ZNF846: variants seen among roughly 807,000 people sequenced by gnomAD.
The protein encoded by ZNF846 is zinc finger protein 420 pseudogene.
A neutral mutation model predicts 16.0 loss-of-function variants in ZNF846; 15 were observed. The observed-to-expected ratio is 0.94, with a 90% confidence interval of 0.63 to 1.45. The LOEUF (loss-of-function observed/expected upper bound fraction) is 1.45. Ranked by LOEUF, ZNF846 falls within the 40% of genes most tolerant of loss-of-function variation. The pLI, the probability that ZNF846 is intolerant of heterozygous loss-of-function variation, is 0.00. For missense variants in ZNF846, 714 were observed against 622.3 expected, an observed-to-expected ratio of 1.15 and a Z score of -1.57; for synonymous variants, 229 against 212.0, an observed-to-expected ratio of 1.08 and a Z score of -0.70.
chr19:9,774,497 A>T, intron 1 of ZNF846: 4 of 1,028,122 alleles, frequency 3.9e-6, no homozygotes, highest in Non-Finnish European at 6.1e-6. Flanking sequence ...CAAATCCAAG[A>T]TGGCGGCCAG....
exon 6 of ZNF846, chr19:9,757,498 T>C (rs1404411355): frequency 2.5e-6 from 4 of 1,597,744 alleles, no homozygotes; most frequent in Non-Finnish European, 3.4e-6. Context: ...CATGCCTTAG[T>C]TCTTAGATGT....
chr19:9,775,957 T>C (rs1016227895), intron 1 of ZNF846, among the ~76,000 whole-genome samples: 4 of 152,214 alleles, frequency 2.6e-5, no homozygotes, highest in Non-Finnish European at 4.4e-5. Flanking sequence ...TCTATAATCA[T>C]AACCTAGGAA....
At chr19:9,754,169 G>C (rs1287973756), downstream of ZNF846, among the ~76,000 whole-genome samples, 1 of 151,114 alleles carries the variant, frequency 6.6e-6, no homozygotes, top group Non-Finnish European at 1.5e-5. Context: ...AGTTTACTTT[G>C]TCTGATATTA....
chr19:9,765,542 G>T (rs372367335), intron 1 of ZNF846, among the ~76,000 whole-genome samples: 5 of 152,012 alleles, frequency 3.3e-5, no homozygotes, highest in Non-Finnish European at 7.4e-5. Flanking sequence ...GCATGGCGGC[G>T]TGTGCCTGTA....
intron 1 of ZNF846, among the ~76,000 whole-genome samples, chr19:9,765,323 C>G (rs1038811962): frequency 6.6e-6 from 1 of 151,834 alleles, no homozygotes; most frequent in African/African-American, 2.4e-5. Context: ...TGCGGTGAGC[C>G]GACACCATGC....
chr19:9,754,719 ACT>A (rs2145171173), downstream of ZNF846, among the ~76,000 whole-genome samples: 1 of 150,606 alleles, frequency 6.6e-6, no homozygotes, highest in South Asian at 2.1e-4. Context: ...CCACTTTGTT[ACT>A]CTTTTTCTGT....
chr19:9,761,932 T>C (rs543422340), intron 4 of ZNF846, 150 bp downstream of exon 4: 12 of 563,080 alleles, frequency 2.1e-5, no homozygotes, highest in African/African-American at 3.8e-5. Context: ...ATGAGGGGAG[T>C]TGAAAGTATC....
Position 9,765,055 on chromosome 19 carries a change from C to A in ZNF846, c.-85-20G>T. 8.0e-7 allele frequency: 1 copy of A among 1,256,750 alleles called. No individual in the cohort carries two copies. 77.8% of individuals were successfully genotyped at this position (1,256,750 alleles called of 1,614,324 possible). ...AATGACCTTTGGAAAAGAATAATGG[C>A]ATGTCAGTTGGATACATCAAAGAAA... is the stretch of plus-strand genomic sequence containing the variant. On this transcript the variant is annotated intron_variant, in intron 1 of 5. Transcript: ENST00000397902.
In ZNF846 at chr19:9,775,534, G is replaced by A. The variant is rs534562244; in HGVS notation, c.-86+10404C>T. 1.5e-4 allele frequency among the ~76,000 whole-genome samples: 23 copies of A among 152,294 alleles called. No individual in the cohort carries two copies. In the South Asian group the frequency reaches 4.3e-3, roughly 29 times the overall value. ...AAAAATGCAGTTTGCAATGAAAGGT[G>A]CTAAGATTAAGTGGTTAGCCATCTG... On this transcript the variant is annotated intron_variant, in intron 1 of 4. Coordinates refer to the ZNF846 transcript ENST00000586814.
chr19:9,780,603 T>A (rs529768960), intron 1 of ZNF846, among the ~76,000 whole-genome samples: 2 of 152,034 alleles, frequency 1.3e-5, no homozygotes, highest in East Asian at 3.9e-4. Flanking sequence ...GTGTGCACCA[T>A]CATGCCCGGC....
At chr19:9,753,993 T>G (rs74926190), downstream of ZNF846, among the ~76,000 whole-genome samples, 1,200 of 151,798 alleles carry the variant, frequency 7.9e-3, 18 homozygotes, top group Middle Eastern at 0.02. Flanking sequence ...GGTCTCCAAT[T>G]GTTATGCAGA....
At chr19:9,750,167 C>T (rs1350479216), downstream of ZNF846, among the ~76,000 whole-genome samples, 1 of 152,142 alleles carries the variant, frequency 6.6e-6, no homozygotes, top group African/African-American at 2.4e-5. Flanking sequence ...TACTGACAAA[C>T]TAAAAAACAT....
At chr19:9,770,737 T>TGCGC (rs1279261817), upstream of ZNF846, among the ~76,000 whole-genome samples, 1 of 151,322 alleles carries the variant, frequency 6.6e-6, no homozygotes, top group African/African-American at 2.4e-5. Context: ...GGCGTGGTGG[T>TGCGC]GCGCACCTGT....
At chr19:9,751,565 C>G (rs867906718), downstream of ZNF846, among the ~76,000 whole-genome samples, 1 of 151,834 alleles carries the variant, frequency 6.6e-6, no homozygotes, top group Non-Finnish European at 1.5e-5. Context: ...ATTTGCAACA[C>G]CCTCCCTGCT....
intron 2 of ZNF846, 48 bp from the exon 3 acceptor site, chr19:9,763,456 G>A: frequency 1.3e-6 from 2 of 1,530,372 alleles, no homozygotes; most frequent in South Asian, 2.6e-5. Flanking sequence ...CATCTCCTTT[G>A]ATGTTCTGAG....
At position 9,760,627 on chromosome 19, in the gene ZNF846, G is replaced by T. The variant is rs149533577; in HGVS notation, c.230-685C>A. ...GAGTCATGAGAATCACTTGAAACCA[G>T]GAGGCAGAGGTTGCAGTGAGTCAAG... is the stretch of plus-strand genomic sequence containing the variant. On this transcript the variant is annotated intron_variant, in intron 4 of 5. Transcript: ENST00000397902. 4.6e-5 allele frequency among the ~76,000 whole-genome samples: 7 copies of T among 150,874 alleles called. No individual in the cohort carries two copies. In the East Asian group the frequency reaches 1.4e-3, roughly 30 times the overall value.
upstream of ZNF846, among the ~76,000 whole-genome samples, chr19:9,772,436 C>T (rs532498584): frequency 1.2e-4 from 18 of 151,710 alleles, no homozygotes; most frequent in South Asian, 6.2e-4. Context: ...CCTGTCTCTA[C>T]TAAAAATACA....
chr19:9,785,852 C>G, intron 1 of ZNF846: 1 of 131,770 alleles, frequency 7.6e-6, no homozygotes, highest in Non-Finnish European at 1.6e-5. Context: ...CGCCCTTCAC[C>G]CAGTCCCCGC....
At chr19:9,765,012 A>C in exon 2 of ZNF846, 1 of 1,588,402 alleles carries the variant, frequency 6.3e-7, no homozygotes, top group Admixed American at 1.7e-5. Flanking sequence ...TCATGAAGAC[A>C]GAAAGTGTCC....
Sources: gnomAD v4.1 joint callset for allele counts (sites outside exome capture counted in the v4.1 genomes callset) on GRCh38, gnomAD v4.1.1 for gene constraint, MANE v1.5 for transcripts, NCBI Gene and HGNC (gene_info 2026-07-23, HGNC 2026-07-21) for gene names.